MYT1L: variants seen among roughly 807,000 people sequenced by gnomAD.
MYT1L encodes the protein myelin transcription factor 1-like protein.
A neutral mutation model predicts 126.7 loss-of-function variants in MYT1L; 12 were observed. That is an observed-to-expected ratio of 0.09 (90% CI 0.06 to 0.15). The LOEUF is 0.15. Among genes scored for constraint, MYT1L ranks in the 10% least tolerant of loss-of-function variants. MYT1L has a pLI of 1.00. For synonymous variants in MYT1L, 541 were observed against 604.2 expected (o/e 0.90, Z 1.53); for missense variants, 979 against 1,585.2 (o/e 0.62, Z 6.49).
At chr2:1,913,606 C>T (rs958975146) in intron 11 of MYT1L, among the ~76,000 whole-genome samples, 1 of 152,208 alleles carries the variant, frequency 6.6e-6, no homozygotes, top group African/African-American at 2.4e-5. Context: ...GTGACAACAG[C>T]ACACGAATGC....
rs903048522 is a variant in MYT1L, at chr2:2,307,463, T to C, written c.-520-22960A>G. On this transcript the variant is annotated intron_variant, in intron 1 of 24. Coordinates refer to ENST00000647738, the MANE Select transcript of MYT1L (RefSeq NM_001303052.2). ...ACATTTGGGAGGACAATTTTAGAGA[T>C]AGAATTGGCAGGAAGTAGCCACTGA... is the stretch of plus-strand genomic sequence containing the variant. Among the ~76,000 whole-genome samples the C allele has an allele frequency of 7.9e-5, 12 of 152,218 alleles. 1 individual carries two copies. Among genetic ancestry groups the C allele is most frequent in the Admixed American group, 5.2e-4 (8 of 15,292 alleles).
intron 3 of MYT1L, among the ~76,000 whole-genome samples, chr2:2,159,963 C>T (rs531178106): frequency 9.9e-5 from 15 of 152,224 alleles, no homozygotes; most frequent in Middle Eastern, 3.4e-3. Context: ...GGACACCCTG[C>T]GATAGCACCC....
chr2:1,975,194 A>G (rs6729968), intron 8 of MYT1L, among the ~76,000 whole-genome samples: 61,079 of 151,360 alleles, frequency 0.4, 15,268 homozygotes, highest in African/African-American at 0.71. Context: ...CACTCCAGCC[A>G]CTTTCAAAGA....
At chr2:1,978,298 T>C (rs1253972901) in intron 8 of MYT1L, among the ~76,000 whole-genome samples, 2 of 152,252 alleles carry the variant, frequency 1.3e-5, no homozygotes, top group African/African-American at 4.8e-5. Context: ...ACTGAGGGTT[T>C]GTTAGGCTGG....
chr2:2,100,788 T>C (rs1004480509), intron 3 of MYT1L, among the ~76,000 whole-genome samples: 9 of 152,186 alleles, frequency 5.9e-5, no homozygotes, highest in African/African-American at 2.2e-4. Context: ...TTAATAAAAT[T>C]TGGGCTCAAA....
chr2:2,311,078 G>A (rs186911778), intron 1 of MYT1L, among the ~76,000 whole-genome samples: 1 of 152,128 alleles, frequency 6.6e-6, no homozygotes, highest in Non-Finnish European at 1.5e-5. Context: ...CACACCCCAA[G>A]GTCTCAGCTG....
chr2:1,894,390 C>T (rs1280883582), intron 14 of MYT1L, among the ~76,000 whole-genome samples: 1 of 152,156 alleles, frequency 6.6e-6, no homozygotes, highest in Admixed American at 6.5e-5. Context: ...CCCCCACGGG[C>T]CCTGTGCAGT....
chr2:2,127,091 T>A (rs1245154968), intron 3 of MYT1L, among the ~76,000 whole-genome samples: 4 of 152,228 alleles, frequency 2.6e-5, no homozygotes, highest in South Asian at 2.1e-4. Context: ...ATGCATTTTT[T>A]AAACTTTTAT....
intron 3 of MYT1L, among the ~76,000 whole-genome samples, chr2:2,056,996 A>G (rs1468798105): frequency 6.6e-6 from 1 of 152,206 alleles, no homozygotes; most frequent in African/African-American, 2.4e-5. Flanking sequence ...GAAAGAATAC[A>G]GAGATCCCAT....
In MYT1L at chr2:2,331,167, G is replaced by C. The variant is rs962591549; in HGVS notation, c.-721C>G. The C allele has an allele frequency of 6.6e-6, 1 of 151,908 alleles. No homozygotes were observed. Among genetic ancestry groups the C allele is most frequent in the African/African-American group, 2.4e-5 (1 of 41,354 alleles). The allele number at this position is 151,908 out of a possible 1,614,324, so 9.4% of individuals were successfully genotyped here. A position where few individuals can be genotyped will look rare whatever the true frequency, so the allele number is the denominator to read the frequency against. On this transcript the variant is annotated 5_prime_UTR_variant, in exon 1 of 25. Coordinates refer to ENST00000647738, the MANE Select transcript of MYT1L (RefSeq NM_001303052.2). ...ATGGATATCATAACCCATAGTCCAG[G>C]GAATGAAAAAATTAAAATGCACCCA...
rs371834348 is a variant in MYT1L at position 1,889,520 on chromosome 2, T to C, written c.2284-43A>G. On this transcript the variant is annotated intron_variant, in intron 15 of 24. Coordinates refer to ENST00000647738, the MANE Select transcript of MYT1L (RefSeq NM_001303052.2). This position sits in a 1 kb window ranked among gnomAD's most constrained non-coding sequence, Gnocchi z 4.1. The stretch of plus-strand genomic sequence containing the variant: ...TAGTGACTGTGCTTGGCCCGGCATC[T>C]TGTGACACCACGAGTCCTTCCTCCC... The C allele has an allele frequency of 1.8e-4, 258 of 1,472,938 alleles. No individual in the cohort carries two copies. The African/African-American group carries it at 3.1e-3, about 18-fold the overall frequency. 91.2% of individuals were successfully genotyped at this position (1,472,938 alleles called of 1,614,324 possible). A position where few individuals can be genotyped will look rare whatever the true frequency, so the allele number is the denominator to read the frequency against.
intron 3 of MYT1L, among the ~76,000 whole-genome samples, chr2:2,120,071 TG>T (rs1368521403): frequency 6.6e-6 from 1 of 152,184 alleles, no homozygotes; most frequent in African/African-American, 2.4e-5. Context: ...TTACAAAATC[TG>T]GGTTAGGATG....
At chr2:1,935,556 G>A (rs1430637521) in intron 9 of MYT1L, among the ~76,000 whole-genome samples, 3 of 152,148 alleles carry the variant, frequency 2.0e-5, no homozygotes, top group African/African-American at 4.8e-5. Context: ...TCTCTCAATC[G>A]TTTTTATATT....
chr2:1,792,279 T>C (rs1366686840), intron 24 of MYT1L, 42 bp downstream of exon 24: 2 of 1,564,256 alleles, frequency 1.3e-6, no homozygotes, highest in Non-Finnish European at 1.7e-6. Flanking sequence ...CTGTGCGCTG[T>C]GGAGGACTCC....
At chr2:2,143,269 G>A (rs1384089063) in intron 3 of MYT1L, among the ~76,000 whole-genome samples, 1 of 144,438 alleles carries the variant, frequency 6.9e-6, no homozygotes, top group African/African-American at 2.6e-5. Context: ...CAGCCTGGGC[G>A]ACAGAGCGAG....
intron 3 of MYT1L, among the ~76,000 whole-genome samples, chr2:2,147,876 G>T (rs2085121653): frequency 6.6e-6 from 1 of 152,330 alleles, no homozygotes; most frequent in Admixed American, 6.5e-5. Flanking sequence ...GTGTCTCCTG[G>T]TTACCAGGAT....
At chr2:1,864,233 T>G (rs1415732226) in intron 18 of MYT1L, among the ~76,000 whole-genome samples, 1 of 152,074 alleles carries the variant, frequency 6.6e-6, no homozygotes, top group East Asian at 1.9e-4. Flanking sequence ...GAGGGCCATG[T>G]GGTTTGAGGT....
At chr2:2,062,000 G>A (rs998521890) in intron 3 of MYT1L, among the ~76,000 whole-genome samples, 6 of 152,260 alleles carry the variant, frequency 3.9e-5, no homozygotes, top group South Asian at 2.1e-4. Flanking sequence ...ACACGAATGC[G>A]TCTCTACCAC....
At chr2:2,232,949 C>T (rs1350960569) in intron 2 of MYT1L, among the ~76,000 whole-genome samples, 5 of 152,148 alleles carry the variant, frequency 3.3e-5, no homozygotes, top group African/African-American at 9.7e-5. Flanking sequence ...CTTCAGAGGT[C>T]TCTGTGAACA....
Sources: gnomAD v4.1 joint callset for allele counts (sites outside exome capture counted in the v4.1 genomes callset) on GRCh38, gnomAD v4.1.1 for gene constraint, Gnocchi (gnomAD v3.1) non-coding constraint, MANE v1.5 for transcripts, NCBI Gene and HGNC (gene_info 2026-07-23, HGNC 2026-07-21) for gene names.